The following SERTAD2 variants were observed in gnomAD, a reference collection of about 807,000 sequenced individuals.
SERTAD2 encodes the protein SERTA domain containing 2.
In SERTAD2, 2 loss-of-function variants were observed where a neutral mutation model predicts 15.4. That is an observed-to-expected ratio of 0.13 (90% CI 0.05 to 0.41). The LOEUF is 0.41. Among genes scored for constraint, SERTAD2 ranks in the 10% least tolerant of loss-of-function variants. The pLI is 0.99. For missense variants in SERTAD2, 333 were observed against 409.7 expected (o/e 0.81, Z 1.62); for synonymous variants, 180 against 178.0 (o/e 1.01, Z -0.09).
intron 1 of SERTAD2, among the ~76,000 whole-genome samples, chr2:64,644,105 T>A (rs558386604): frequency 6.6e-6 from 1 of 152,186 alleles, no homozygotes; most frequent in African/African-American, 2.4e-5. Context: ...GATTGTCTTA[T>A]GAGAAGGCTG....
At chr2:64,642,722 G>A (rs984696391) in intron 1 of SERTAD2, among the ~76,000 whole-genome samples, 3 of 152,104 alleles carry the variant, frequency 2.0e-5, no homozygotes, top group Admixed American at 6.5e-5. Context: ...ACCCTGGGTT[G>A]GGGGGGCAGG....
intron 1 of SERTAD2, among the ~76,000 whole-genome samples, chr2:64,642,400 T>C (rs1674795054): frequency 6.6e-6 from 1 of 152,188 alleles, no homozygotes; most frequent in Non-Finnish European, 1.5e-5. Context: ...CTACTACATT[T>C]TGCATTTTGG....
chr2:64,640,054 C>CT (rs1487675714), intron 1 of SERTAD2, among the ~76,000 whole-genome samples: 9 of 152,146 alleles, frequency 5.9e-5, no homozygotes, highest in Admixed American at 1.3e-4. Context: ...CACCATTTCT[C>CT]TGTTTTGTAT....
chr2:64,640,071 G>A (rs917546817), intron 1 of SERTAD2, among the ~76,000 whole-genome samples: 1 of 152,124 alleles, frequency 6.6e-6, no homozygotes, highest in African/African-American at 2.4e-5. Context: ...GTATTATAAG[G>A]CAAAACTGAC....
intron 1 of SERTAD2, among the ~76,000 whole-genome samples, chr2:64,639,053 G>A (rs1037980827): frequency 6.6e-6 from 1 of 152,220 alleles, no homozygotes; most frequent in African/African-American, 2.4e-5. Context: ...AATACTTATA[G>A]AAAAATTTCA....
chr2:64,648,027 A>G (rs1674941264), intron 1 of SERTAD2, among the ~76,000 whole-genome samples: 1 of 152,216 alleles, frequency 6.6e-6, no homozygotes, highest in Non-Finnish European at 1.5e-5. Flanking sequence ...AAAGAGGAAA[A>G]CCTGAGAAAT....
In SERTAD2 at chr2:64,635,737, T is replaced by G; in HGVS notation, c.*190A>C. The G allele has an allele frequency of 1.8e-6, 1 of 570,968 alleles. No homozygotes were observed. The highest frequency in any genetic ancestry group is 3.1e-6 in the Non-Finnish European group (1 of 318,414). The allele number at this position is 570,968 out of a possible 1,614,324, so 35.4% of individuals were successfully genotyped here. ...CTCTGAGGAACCACTCAAAAAAGTG[T>G]ATTAAAAGTGGTCATACTTGGATGA... is the stretch of plus-strand genomic sequence containing the variant. On this transcript the variant is annotated 3_prime_UTR_variant, in exon 2 of 2. Transcript: ENST00000313349.
Position 64,636,371 on chromosome 2 carries a change from G to C in SERTAD2, c.501C>G (p.Asp167Glu). The change falls in exon 2 of 2, where the codon GAC becomes GAG. Residue 167 changes from aspartate (D) to glutamate (E), a missense_variant. Asp to Glu is a conservative substitution (Grantham distance 45). Around this residue, in one of 2 missense-constraint regions of SERTAD2, gnomAD observed 332 missense variants for 392.9 expected, o/e 0.84. Coordinates refer to ENST00000313349, the MANE Select transcript of SERTAD2 (RefSeq NM_014755.3). ...TCTCGTCCAAGGCAGAGGAGAAACTGTCCTTTTCTGGCAAGAGGGCTGGAG... is the reference window on the plus strand; with the variant it reads ...TCTCGTCCAAGGCAGAGGAGAAACTCTCCTTTTCTGGCAAGAGGGCTGGAG... ...LSPPALLPEK[D>E]SFSSALDEIE... 6.2e-7 allele frequency: 1 copy of C among 1,614,240 alleles called. No individual in the cohort carries two copies. Among genetic ancestry groups the C allele is most frequent in the Admixed American group, 1.7e-5 (1 of 60,034 alleles).
At chr2:64,650,008 T>C (rs1256682372) in intron 1 of SERTAD2, among the ~76,000 whole-genome samples, 1 of 152,134 alleles carries the variant, frequency 6.6e-6, no homozygotes, top group Non-Finnish European at 1.5e-5. Context: ...CTGCAATGGG[T>C]GCGGAATACA....
chr2:64,643,712 C>T (rs1030587679), intron 1 of SERTAD2, among the ~76,000 whole-genome samples: 1 of 152,070 alleles, frequency 6.6e-6, no homozygotes, highest in African/African-American at 2.4e-5. Context: ...ACTAAAAATA[C>T]AAAAAATTAG....
At chr2:64,647,918 G>A (rs1674939609) in intron 1 of SERTAD2, among the ~76,000 whole-genome samples, 1 of 152,132 alleles carries the variant, frequency 6.6e-6, no homozygotes, top group African/African-American at 2.4e-5. Flanking sequence ...AACTAGTCAT[G>A]CCTTCAAATC....
rs927810611 is a variant in SERTAD2 at position 64,647,627 on chromosome 2, G to C, written c.-5+5993C>G. On this transcript the variant is annotated intron_variant, in intron 1 of 1. Coordinates refer to ENST00000313349, the MANE Select transcript of SERTAD2 (RefSeq NM_014755.3). ...CAATGTCAAGGAGGTGGGGAACTTA[G>C]AGTAGAAAGGAAAGGCTTTGCCAAA... Among the ~76,000 whole-genome samples, 11 of 149,868 alleles carry C rather than the reference G, an allele frequency of 7.3e-5. No homozygotes were observed. In the East Asian group the frequency reaches 1.6e-3, roughly 21 times the overall value.
rs764996642 is a variant in SERTAD2 at position 64,636,469 on chromosome 2, G to A, written c.403C>T (p.Leu135=). 4 of 1,613,930 alleles carry A rather than the reference G, an allele frequency of 2.5e-6. No homozygotes were observed. In the African/African-American group the frequency reaches 4.0e-5, roughly 16 times the overall value. The change falls in exon 2 of 2, where the codon CTG becomes TTG. Residue 135 remains leucine (L), a synonymous_variant. Transcript: ENST00000313349. The stretch of plus-strand genomic sequence containing the variant: ...AACGTGTCATCGTCGTCCTCGAGCA[G>A]TGAGGCCGGGGTGAGGCAGGCCTCC... ...PLEACLTPAS[L]LEDDDDTFCT... is the part of the protein sequence containing the mutation.
Position 64,636,357 on chromosome 2 carries a change from G to A in SERTAD2, c.515C>T (p.Ala172Val). Residue 172 changes from alanine (A) to valine (V), a missense_variant, in exon 2 of 2, where the codon GCC (alanine) becomes GTC (valine). Physicochemically the swap from Ala to Val is moderately conservative, Grantham distance 64 (BLOSUM62 0). This residue lies in a region of SERTAD2 where 332 missense variants were observed against 392.9 expected (regional missense o/e 0.84). Transcript: ENST00000313349. Reference sequence around the variant, plus strand: ...ACAGAGCTCCTCGATCTCGTCCAAGGCAGAGGAGAAACTGTCCTTTTCTGG... The same window carrying A: ...ACAGAGCTCCTCGATCTCGTCCAAGACAGAGGAGAAACTGTCCTTTTCTGG... ...LLPEKDSFSS[A>V]LDEIEELCPT... 8 of 1,614,226 alleles carry A rather than the reference G, an allele frequency of 5.0e-6. No homozygotes were observed. Among genetic ancestry groups the A allele is most frequent in the Non-Finnish European group, 6.8e-6 (8 of 1,180,032 alleles).
At chr2:64,648,435 G>C (rs1021667033) in intron 1 of SERTAD2, among the ~76,000 whole-genome samples, 3 of 152,196 alleles carry the variant, frequency 2.0e-5, no homozygotes, top group African/African-American at 7.2e-5. Flanking sequence ...AGCCATTAAA[G>C]AATAACTACT....
At position 64,635,538 on chromosome 2, in the gene SERTAD2, G is replaced by GT. The variant is rs1674639870; in HGVS notation, c.*388dup. 5.8e-6 allele frequency: 1 copy of GT among 172,214 alleles called. No homozygotes were observed. The allele number at this position is 172,214 out of a possible 1,614,324, so 10.7% of individuals were successfully genotyped here. A position where few individuals can be genotyped will look rare whatever the true frequency, so the allele number is the denominator to read the frequency against. On this transcript the variant is annotated 3_prime_UTR_variant, in exon 2 of 2. Transcript: ENST00000313349. ...TATCTAAATAAGATATATATATATA[G>GT]TTTTCTTCTTTACCTCTTGCAATAA... is the stretch of plus-strand genomic sequence containing the variant.
intron 1 of SERTAD2, among the ~76,000 whole-genome samples, chr2:64,645,542 T>G (rs1674885067): frequency 6.6e-6 from 1 of 152,244 alleles, no homozygotes; most frequent in South Asian, 2.1e-4. Flanking sequence ...CATGCTCCTA[T>G]TAAATTGAAG....
rs1674668318 is a variant in SERTAD2, at chr2:64,636,676, T to TA, written c.195dup (p.Asn66Ter). ...TCCTGGATCCGCCTCAACATGTTGT[T>TA]AATTAAAACGGTCTTTTGCAAGCTG... On this transcript the variant is annotated frameshift_variant, in exon 2 of 2. Transcript: ENST00000313349. LOFTEE classifies it high-confidence loss of function. The TA allele has an allele frequency of 6.2e-7, 1 of 1,613,974 alleles. No homozygotes were observed. Among genetic ancestry groups the TA allele is most frequent in the Non-Finnish European group, 8.5e-7 (1 of 1,180,030 alleles).
chr2:64,652,892 T>G (rs1423400858), intron 1 of SERTAD2, among the ~76,000 whole-genome samples: 1 of 152,174 alleles, frequency 6.6e-6, no homozygotes, highest in Non-Finnish European at 1.5e-5. Context: ...TTTCTGTCCA[T>G]GTAGTGGCCC....
Sources: gnomAD v4.1 joint callset for allele counts (sites outside exome capture counted in the v4.1 genomes callset) on GRCh38, gnomAD v4.1.1 for gene constraint, gnomAD v4.1.1 regional missense constraint, MANE v1.5 for transcripts, NCBI Gene and HGNC (gene_info 2026-07-23, HGNC 2026-07-21) for gene names.